IBTK: variants seen among roughly 807,000 people sequenced by gnomAD.
IBTK encodes the protein inhibitor of Bruton tyrosine kinase, also known as BTK-binding protein.
In IBTK, 83 loss-of-function variants were observed where a neutral mutation model predicts 154.9. The ratio of observed to expected loss-of-function variants is 0.54; its 90% CI spans 0.45 to 0.64. The LOEUF (loss-of-function observed/expected upper bound fraction) is 0.64. Among genes scored for constraint, IBTK ranks in the 30% least tolerant of loss-of-function variants. The pLI, the probability that IBTK is intolerant of heterozygous loss-of-function variation, is 0.00. For synonymous variants in IBTK, 515 were observed against 536.1 expected, an observed-to-expected ratio of 0.96 and a Z score of 0.54; for missense variants, 1,332 against 1,584.6, an observed-to-expected ratio of 0.84 and a Z score of 2.71.
intron 9 of IBTK, 79 bp downstream of exon 9, chr6:82,220,511 A>T: frequency 7.2e-7 from 1 of 1,380,014 alleles, no homozygotes; most frequent in Non-Finnish European, 9.7e-7. Context: ...CTAACATAGC[A>T]ATACATTTTC....
chr6:82,223,005 T>C (rs568361788), intron 8 of IBTK, among the ~76,000 whole-genome samples: 3 of 152,052 alleles, frequency 2.0e-5, no homozygotes, highest in East Asian at 1.9e-4. Context: ...TTAAAAAATA[T>C]ACTTATCAGT....
At chr6:82,235,541 C>A (rs1770683088) in intron 2 of IBTK, among the ~76,000 whole-genome samples, 1 of 152,058 alleles carries the variant, frequency 6.6e-6, no homozygotes, top group Non-Finnish European at 1.5e-5. Context: ...TTGCAGTGAA[C>A]CGAGATCGCG....
At chr6:82,210,182 G>A (rs1353859205) in intron 16 of IBTK, among the ~76,000 whole-genome samples, 2 of 152,138 alleles carry the variant, frequency 1.3e-5, no homozygotes, top group African/African-American at 4.8e-5. Flanking sequence ...TTCAAGATGT[G>A]TAACCACAAA....
chr6:82,191,023 A>T, intron 25 of IBTK, 50 bp downstream of exon 25: 1 of 1,370,674 alleles, frequency 7.3e-7, no homozygotes, highest in Non-Finnish European at 9.6e-7. Flanking sequence ...GTACTACCTT[A>T]AAAGCAAATG....
At chr6:82,201,730 T>G (rs1320950963) in intron 18 of IBTK, among the ~76,000 whole-genome samples, 1 of 152,072 alleles carries the variant, frequency 6.6e-6, no homozygotes, top group Non-Finnish European at 1.5e-5. Flanking sequence ...TCTTTTTTTT[T>G]TTCTTTTTTT....
At chr6:82,227,882 TCTC>T (rs1770357799) in intron 4 of IBTK, among the ~76,000 whole-genome samples, 1 of 151,894 alleles carries the variant, frequency 6.6e-6, no homozygotes, top group African/African-American at 2.4e-5. Flanking sequence ...CAAGTTTTTC[TCTC>T]CTTTCCCACT....
At chr6:82,201,371 G>T (rs569255947) in intron 19 of IBTK, 51 bp downstream of exon 19, 4 of 1,305,124 alleles carry the variant, frequency 3.1e-6, no homozygotes, top group Non-Finnish European at 4.4e-6. Context: ...CTAATATACT[G>T]CTTAAGCTGG....
chr6:82,246,514 G>A (rs1231706587), intron 1 of IBTK, among the ~76,000 whole-genome samples: 1 of 143,614 alleles, frequency 7.0e-6, no homozygotes, highest in Non-Finnish European at 1.5e-5. Flanking sequence ...GCGCGATCTC[G>A]GCTCACTGCA....
chr6:82,204,022 T>A (rs1413447736), intron 17 of IBTK, among the ~76,000 whole-genome samples: 1 of 152,122 alleles, frequency 6.6e-6, no homozygotes, highest in East Asian at 1.9e-4. Context: ...GATATAAGAT[T>A]AGAAAGTCAA....
intron 6 of IBTK, among the ~76,000 whole-genome samples, chr6:82,224,649 T>A (rs1039923156): frequency 6.6e-6 from 1 of 152,194 alleles, no homozygotes; most frequent in Non-Finnish European, 1.5e-5. Context: ...GCTGTGCACA[T>A]GAGAGTAAAA....
At position 82,240,837 on chromosome 6, in the gene IBTK, G is replaced by T; in HGVS notation, c.-351C>A. ...CCCTTTTAAATATCCATAATTGCAAGGGTGACCTATAAGAGAAAGAGAAGA... is the reference window on the plus strand; with the variant it reads ...CCCTTTTAAATATCCATAATTGCAATGGTGACCTATAAGAGAAAGAGAAGA... On this transcript the variant is annotated 5_prime_UTR_variant, in exon 2 of 29. Coordinates refer to ENST00000306270, the MANE Select transcript of IBTK (RefSeq NM_015525.4). The T allele has an allele frequency of 7.3e-6, 3 of 410,952 alleles. No homozygotes were observed. Among genetic ancestry groups the T allele is most frequent in the Non-Finnish European group, 1.3e-5 (3 of 233,930 alleles). The allele number at this position is 410,952 out of a possible 1,614,324, so 25.5% of individuals were successfully genotyped here.
chr6:82,190,286 T>C (rs531894208), intron 25 of IBTK, among the ~76,000 whole-genome samples: 4 of 152,142 alleles, frequency 2.6e-5, no homozygotes, highest in Non-Finnish European at 5.9e-5. Context: ...TAATGTGGCC[T>C]TAGAAACATT....
chr6:82,231,175 G>T (rs1262198369), intron 4 of IBTK, among the ~76,000 whole-genome samples: 1 of 152,240 alleles, frequency 6.6e-6, no homozygotes, highest in Admixed American at 6.5e-5. Flanking sequence ...CCAGACTGCT[G>T]TCATCCAACT....
chr6:82,202,476 T>C (rs753854834), intron 18 of IBTK, 52 bp downstream of exon 18: 1 of 916,254 alleles, frequency 1.1e-6, no homozygotes, highest in Non-Finnish European at 1.8e-6. Flanking sequence ...TCTGCTATTA[T>C]ATATAAATAT....
chr6:82,171,514 C>G lies in IBTK; in HGVS notation c.3973G>C (p.Ala1325Pro). ...AIQDLLVFYEAFGNPEEFVIV... is the reference protein window; with the variant it reads ...AIQDLLVFYEPFGNPEEFVIV... ...ACAAACTCTTCAGGGTTGCCAAATGCCTCATAGAAAACCAATAAATCTTGT... is the reference window on the plus strand; with the variant it reads ...ACAAACTCTTCAGGGTTGCCAAATGGCTCATAGAAAACCAATAAATCTTGT... Residue 1325 changes from alanine to proline, a missense_variant, in exon 29 of 29, where the codon GCA becomes CCA. Transcript: ENST00000306270. 6.2e-7 allele frequency: 1 copy of G among 1,611,838 alleles called. No homozygotes were observed. The highest frequency in any genetic ancestry group is 8.5e-7 in the Non-Finnish European group (1 of 1,178,628).
chr6:82,233,021 T>C (rs1443077130), intron 3 of IBTK, among the ~76,000 whole-genome samples: 1 of 151,764 alleles, frequency 6.6e-6, no homozygotes, highest in Non-Finnish European at 1.5e-5. Flanking sequence ...TCATGGTGGC[T>C]CATGCCTGTA....
intron 8 of IBTK, 60 bp from the exon 9 acceptor site, chr6:82,220,773 C>T: frequency 7.6e-7 from 1 of 1,307,494 alleles, no homozygotes; most frequent in Non-Finnish European, 1.0e-6. Context: ...CATGCCTAAA[C>T]TTCAAAGAAG....
chr6:82,178,112 A>G (rs969775335), intron 26 of IBTK, among the ~76,000 whole-genome samples: 1 of 152,212 alleles, frequency 6.6e-6, no homozygotes, highest in Non-Finnish European at 1.5e-5. Context: ...ACTCAAAGCT[A>G]TCTGTCTTCT....
intron 2 of IBTK, among the ~76,000 whole-genome samples, chr6:82,236,821 G>A (rs532401736): frequency 2.0e-5 from 3 of 152,280 alleles, no homozygotes; most frequent in East Asian, 3.9e-4. Context: ...AATTAAAGAA[G>A]TGTTGGAAGG....
Sources: allele counts gnomAD v4.1 joint callset (sites outside exome capture counted in the v4.1 genomes callset), GRCh38; gene constraint gnomAD v4.1.1; transcripts MANE v1.5; gene names NCBI Gene and HGNC (gene_info 2026-07-23, HGNC 2026-07-21).